Variants in HNRNPA2B1 observed in about 807,000 individuals in gnomAD.
HNRNPA2B1 encodes the protein heterogeneous nuclear ribonucleoproteins A2/B1.
Under a neutral mutation model 46.3 loss-of-function variants are expected in HNRNPA2B1, and 3 were observed. The ratio of observed to expected loss-of-function variants is 0.06; its 90% CI spans 0.03 to 0.17. HNRNPA2B1 has a LOEUF of 0.17. HNRNPA2B1 is among the 10% of genes least tolerant of loss of function. The probability of loss-of-function intolerance (pLI) is 1.00; values close to 1 mark genes in which losing one functional copy is unlikely to be tolerated. For missense variants in HNRNPA2B1, 221 were observed against 418.9 expected (o/e 0.53, Z 4.12); for synonymous variants, 225 against 133.8 (o/e 1.68, Z -4.70).
chr7:26,194,510 GCAACA>G lies in HNRNPA2B1; in HGVS notation c.722-821_722-817del, dbSNP rs1301221575. Among the ~76,000 whole-genome samples the G allele has an allele frequency of 4.6e-5, 7 of 150,980 alleles. No individual in the cohort carries two copies. In the East Asian group the frequency reaches 1.4e-3, roughly 30 times the overall value. On this transcript the variant is annotated intron_variant, in intron 7 of 10. Transcript: ENST00000618183. Reference sequence around the variant, plus strand: ...GCCCAGGAATTCAAGACCAGCCAGGGCAACACAGCAAAACCCCCACACCTCTACAA... The same window carrying G: ...GCCCAGGAATTCAAGACCAGCCAGGGCAGCAAAACCCCCACACCTCTACAA...
intron 3 of HNRNPA2B1, 63 bp from the exon 4 acceptor site, chr7:26,197,080 C>A (rs1783723715): frequency 1.5e-6 from 2 of 1,348,048 alleles, no homozygotes; most frequent in African/African-American, 1.5e-5. Flanking sequence ...ATTCAAAGCA[C>A]CCAACCGTAG....
At chr7:26,195,056 A>ACAC (rs1440970507) in intron 7 of HNRNPA2B1, among the ~76,000 whole-genome samples, 1 of 145,598 alleles carries the variant, frequency 6.9e-6, no homozygotes, top group African/African-American at 2.6e-5. Context: ...ACGCGCCACT[A>ACAC]CACTCCAGCC....
At chr7:26,200,325 C>T in intron 1 of HNRNPA2B1, 1 of 565,884 alleles carries the variant, frequency 1.8e-6, no homozygotes, top group Non-Finnish European at 3.2e-6. Context: ...GCAGCGTCCG[C>T]CATGTGAAAG....
chr7:26,197,751 T>A lies in HNRNPA2B1; in HGVS notation c.7-19A>T, dbSNP rs1783809617. ...TTTCTCTCTGCAAAGGAAAATACCA[T>A]TTCAATTTTTATTTACATTTTCCTC... is the stretch of plus-strand genomic sequence containing the variant. On this transcript the variant is annotated intron_variant, in intron 1 of 10. Transcript: ENST00000618183. 6 of 1,601,870 alleles carry A rather than the reference T, an allele frequency of 3.7e-6. No individual in the cohort carries two copies. Among genetic ancestry groups the A allele is most frequent in the Non-Finnish European group, 5.1e-6 (6 of 1,171,604 alleles).
At chr7:26,192,712 G>C (rs1475723731) in intron 9 of HNRNPA2B1, 135 bp from the exon 10 acceptor site, 2 of 725,968 alleles carry the variant, frequency 2.8e-6, no homozygotes, top group East Asian at 2.5e-5. Context: ...CAGCCAGTTA[G>C]CAGAATTACT....
At chr7:26,199,695 T>C (rs1410241797) in intron 1 of HNRNPA2B1, 1 of 152,164 alleles carries the variant, frequency 6.6e-6, no homozygotes, top group Admixed American at 6.5e-5. Flanking sequence ...TTATGTTTAT[T>C]TTGCCGCGGT....
intron 1 of HNRNPA2B1, chr7:26,200,315 G>A: frequency 1.8e-6 from 1 of 550,374 alleles, no homozygotes; most frequent in Non-Finnish European, 3.3e-6. Context: ...CCCCAGCGGG[G>A]CAGCGTCCGC....
At chr7:26,198,064 T>C in intron 1 of HNRNPA2B1, 1 of 411,714 alleles carries the variant, frequency 2.4e-6, no homozygotes, top group Non-Finnish European at 4.2e-6. Flanking sequence ...TAAACAAATG[T>C]AGACCGTGAT....
rs778153569 is a variant in HNRNPA2B1, at chr7:26,197,611, A to C, written c.117+11T>G. 3.1e-6 allele frequency: 5 copies of C among 1,598,322 alleles called. No individual in the cohort carries two copies. In the Admixed American group the frequency reaches 8.4e-5, roughly 27 times the overall value. ...GACTAATATCCAGTAACAATTCAGTAATTTACATACCACACAGTCTGTAAG... is the reference window on the plus strand; with the variant it reads ...GACTAATATCCAGTAACAATTCAGTCATTTACATACCACACAGTCTGTAAG... On this transcript the variant is annotated intron_variant, in intron 2 of 10. Transcript: ENST00000618183.
chr7:26,199,010 G>C (rs879373931), intron 1 of HNRNPA2B1: 12 of 152,138 alleles, frequency 7.9e-5, no homozygotes, highest in Non-Finnish European at 1.3e-4. Context: ...GCTCCTATGA[G>C]ACACAAAGCA....
chr7:26,198,988 AT>A (rs1267616973), intron 1 of HNRNPA2B1: 1 of 152,210 alleles, frequency 6.6e-6, no homozygotes, highest in Non-Finnish European at 1.5e-5. Context: ...ATTAACTGAA[AT>A]GATCAAACTA....
intron 1 of HNRNPA2B1, chr7:26,199,078 A>G (rs1405029435): frequency 1.3e-5 from 2 of 152,286 alleles, no homozygotes; most frequent in Non-Finnish European, 2.9e-5. Flanking sequence ...GCTAGTTTTT[A>G]TTCTTAATTG....
intron 1 of HNRNPA2B1, chr7:26,200,334 A>C: frequency 1.7e-6 from 1 of 572,790 alleles, no homozygotes; most frequent in Admixed American, 3.1e-5. Flanking sequence ...GCCATGTGAA[A>C]GCTCCCCATC....
Position 26,197,435 on chromosome 7 carries a change from T to C in HNRNPA2B1, c.144A>G (p.Arg48=). The stretch of plus-strand genomic sequence containing the variant: ...AAGTTACAAAACCAAATCCTCTTGA[T>C]CTTTTGCTTGCAGGATCCCTCATTA... ...CVVMRDPASK[R]SRGFGFVTFS... is the part of the protein sequence containing the mutation. The change falls in exon 3 of 11, where the codon AGA becomes AGG. Residue 48 remains arginine (R), a synonymous_variant. Coordinates refer to ENST00000618183, the MANE Select transcript of HNRNPA2B1 (RefSeq NM_002137.4). The C allele has an allele frequency of 6.2e-7, 1 of 1,614,106 alleles. No individual in the cohort carries two copies. The highest frequency in any genetic ancestry group is 1.1e-5 in the South Asian group (1 of 91,082).
At chr7:26,195,407 A>C (rs180760640) in intron 7 of HNRNPA2B1, among the ~76,000 whole-genome samples, 22 of 152,338 alleles carry the variant, frequency 1.4e-4, no homozygotes, top group African/African-American at 5.1e-4. Flanking sequence ...GGAGCACACT[A>C]AACATTTTGG....
At chr7:26,195,207 A>G (rs1173003981) in intron 7 of HNRNPA2B1, among the ~76,000 whole-genome samples, 2 of 152,076 alleles carry the variant, frequency 1.3e-5, no homozygotes, top group African/African-American at 4.8e-5. Context: ...TTAATTATAA[A>G]AAGTAGAACA....
intron 7 of HNRNPA2B1, among the ~76,000 whole-genome samples, chr7:26,193,958 T>C (rs1018539468): frequency 1.3e-5 from 2 of 152,216 alleles, no homozygotes; most frequent in African/African-American, 4.8e-5. Context: ...CTTAAGTATC[T>C]TGAAATACTT....
At chr7:26,193,833 G>A (rs546944823) in intron 7 of HNRNPA2B1, 139 bp from the exon 8 acceptor site, 9 of 751,828 alleles carry the variant, frequency 1.2e-5, no homozygotes, top group East Asian at 2.9e-5. Context: ...TTCAAGGACT[G>A]AATAACTATC....
intron 1 of HNRNPA2B1, chr7:26,200,161 GGAGA>G (rs931027058): frequency 2.2e-5 from 5 of 227,788 alleles, no homozygotes; most frequent in African/African-American, 6.8e-5. Flanking sequence ...CCGGTTCCCG[GGAGA>G]GAGGGGGAGG....
Sources: allele counts gnomAD v4.1 joint callset (sites outside exome capture counted in the v4.1 genomes callset), GRCh38; gene constraint gnomAD v4.1.1; transcripts MANE v1.5; gene names NCBI Gene and HGNC (gene_info 2026-07-23, HGNC 2026-07-21).